The following RABGEF1 variants were observed in gnomAD, a reference collection of about 807,000 sequenced individuals.
The protein encoded by RABGEF1 is rab5 GDP/GTP exchange factor.
RABGEF1 carries 26 observed loss-of-function variants against 57.3 expected under a neutral mutation model. That is an observed-to-expected ratio of 0.45 (90% CI 0.33 to 0.63). The LOEUF is 0.63. Among genes scored for constraint, RABGEF1 ranks in the 20% least tolerant of loss-of-function variants. The probability of loss-of-function intolerance (pLI) is 0.02; values close to 1 mark genes in which losing one functional copy is unlikely to be tolerated. For synonymous variants in RABGEF1, 185 were observed against 210.7 expected (o/e 0.88, Z 1.06); for missense variants, 464 against 607.6 (o/e 0.76, Z 2.48).
chr7:66,673,311 G>T, the RABGEF1 span, among the ~76,000 whole-genome samples: 1 of 151,822 alleles, frequency 6.6e-6, no homozygotes, highest in African/African-American at 2.4e-5. Flanking sequence ...CACCGTGAAG[G>T]CTGCTTGGGC....
chr7:66,703,045 C>CT (rs1220338557), intron 1 of RABGEF1, among the ~76,000 whole-genome samples: 1 of 152,200 alleles, frequency 6.6e-6, no homozygotes, highest in African/African-American at 2.4e-5. Context: ...GCTATCTCAA[C>CT]TTACTGCAAG....
chr7:66,695,077 C>A (rs1358502565), intron 1 of RABGEF1, among the ~76,000 whole-genome samples: 1 of 151,952 alleles, frequency 6.6e-6, no homozygotes. Flanking sequence ...TTTGGGAGGC[C>A]GAGGCGGGCG....
upstream of RABGEF1, among the ~76,000 whole-genome samples, chr7:66,679,505 C>T (rs1789542797): frequency 6.6e-6 from 1 of 152,110 alleles, no homozygotes; most frequent in South Asian, 2.1e-4. Context: ...GGTGGGGTTT[C>T]ACCACCAGAG....
chr7:66,721,783 C>T (rs746088503), intron 2 of RABGEF1, among the ~76,000 whole-genome samples: 11 of 152,072 alleles, frequency 7.2e-5, no homozygotes, highest in Admixed American at 6.6e-5. Context: ...GCTTGGCCAA[C>T]GTGGTAGAAC....
chr7:66,723,875 T>C (rs1373341067), intron 2 of RABGEF1, among the ~76,000 whole-genome samples: 3 of 152,194 alleles, frequency 2.0e-5, no homozygotes, highest in Non-Finnish European at 4.4e-5. Flanking sequence ...CCACCATGCC[T>C]GGCCAATTAT....
the RABGEF1 span, among the ~76,000 whole-genome samples, chr7:66,656,980 G>A: frequency 6.6e-6 from 1 of 152,086 alleles, no homozygotes; most frequent in African/African-American, 2.4e-5. Flanking sequence ...AAACATATGT[G>A]CCTAACAACA....
At chr7:66,763,931 G>T (rs1805072394) in intron 1 of RABGEF1, among the ~76,000 whole-genome samples, 2 of 152,150 alleles carry the variant, frequency 1.3e-5, no homozygotes, top group South Asian at 4.1e-4. Context: ...TATGGATAAT[G>T]CTGATATAAA....
At chr7:66,737,321 C>A (rs1213290877), upstream of RABGEF1, among the ~76,000 whole-genome samples, 1 of 152,084 alleles carries the variant, frequency 6.6e-6, no homozygotes, top group Non-Finnish European at 1.5e-5. Context: ...CCAGGGCCAT[C>A]ATGGCTCACT....
upstream of RABGEF1, among the ~76,000 whole-genome samples, chr7:66,678,930 C>T (rs113713926): frequency 2.8e-3 from 431 of 152,286 alleles, 1 homozygote; most frequent in African/African-American, 1.0e-2. Context: ...ACTCACGTGG[C>T]ATGATAAAGA....
At chr7:66,785,724 A>C (rs1294435323) in intron 4 of RABGEF1, among the ~76,000 whole-genome samples, 1 of 152,128 alleles carries the variant, frequency 6.6e-6, no homozygotes, top group Non-Finnish European at 1.5e-5. Context: ...AATACAAAAA[A>C]TTAGCTGGGC....
the RABGEF1 span, among the ~76,000 whole-genome samples, chr7:66,658,128 C>T: frequency 2.0e-5 from 3 of 151,988 alleles, no homozygotes; most frequent in Non-Finnish European, 2.9e-5. Flanking sequence ...TTAAGGTTAT[C>T]GTAAGAGAAT....
the RABGEF1 span, among the ~76,000 whole-genome samples, chr7:66,665,899 T>C: frequency 6.6e-6 from 1 of 152,044 alleles, no homozygotes; most frequent in African/African-American, 2.4e-5. Context: ...TGAGCACTAG[T>C]AGAAGAGATG....
chr7:66,688,887 G>C (rs145526060), intron 1 of RABGEF1, among the ~76,000 whole-genome samples: 21 of 152,288 alleles, frequency 1.4e-4, no homozygotes, highest in African/African-American at 4.3e-4. Flanking sequence ...GAGGTCAGGA[G>C]TTCAAGACCA....
intron 1 of RABGEF1, among the ~76,000 whole-genome samples, chr7:66,766,862 T>G (rs911090068): frequency 2.6e-5 from 4 of 151,900 alleles, no homozygotes; most frequent in Non-Finnish European, 5.9e-5. Flanking sequence ...GTACCTGGGA[T>G]TACAGGCAAG....
chr7:66,807,381 C>T (rs939863598), intron 8 of RABGEF1, among the ~76,000 whole-genome samples: 1 of 152,230 alleles, frequency 6.6e-6, no homozygotes, highest in African/African-American at 2.4e-5. Context: ...TGTTCTGCAA[C>T]TTCTGTTGTT....
At chr7:66,675,828 C>T in the RABGEF1 span, among the ~76,000 whole-genome samples, 1 of 152,034 alleles carries the variant, frequency 6.6e-6, no homozygotes, top group East Asian at 1.9e-4. Context: ...TCATGTATGA[C>T]AGCATGAAAA....
intron 1 of RABGEF1, among the ~76,000 whole-genome samples, chr7:66,682,987 T>G (rs190692040): frequency 6.6e-6 from 1 of 152,108 alleles, no homozygotes; most frequent in African/African-American, 2.4e-5. Context: ...GACCAATCCT[T>G]GTGGTTGGGA....
At chr7:66,705,106 A>T (rs1584797233) in intron 1 of RABGEF1, among the ~76,000 whole-genome samples, 1 of 152,044 alleles carries the variant, frequency 6.6e-6, no homozygotes, top group East Asian at 1.9e-4. Context: ...TGATATATGG[A>T]AAAGCAATAG....
chr7:66,678,060 GA>G (rs974187323), upstream of RABGEF1, among the ~76,000 whole-genome samples: 108 of 145,786 alleles, frequency 7.4e-4, no homozygotes, highest in Non-Finnish European at 1.5e-3. Context: ...ACCCTGTCTC[GA>G]AAAAAAAAAG....
Sources: allele counts gnomAD v4.1 joint callset (sites outside exome capture counted in the v4.1 genomes callset), GRCh38; gene constraint gnomAD v4.1.1; transcripts MANE v1.5; gene names NCBI Gene and HGNC (gene_info 2026-07-23, HGNC 2026-07-21).